Variants in RBFOX1 observed in about 807,000 individuals in gnomAD.
RBFOX1 encodes the protein RNA binding fox-1 homolog 1.
RBFOX1 carries 8 observed loss-of-function variants against 57.7 expected under a neutral mutation model. That is an observed-to-expected ratio of 0.14 (90% CI 0.08 to 0.25). The LOEUF (loss-of-function observed/expected upper bound fraction) is 0.25, where lower values mean the gene tolerates loss of function less well. RBFOX1 is among the 10% of genes least tolerant of loss of function. The probability of loss-of-function intolerance (pLI) is 1.00; values close to 1 mark genes in which losing one functional copy is unlikely to be tolerated. For missense variants in RBFOX1, 611 were observed against 548.5 expected, an observed-to-expected ratio of 1.11 and a Z score of -1.14; for synonymous variants, 326 against 222.4, an observed-to-expected ratio of 1.47 and a Z score of -4.15.
At chr16:7,618,532 G>GT (rs531792610) in intron 10 of RBFOX1, among the ~76,000 whole-genome samples, 81 of 150,646 alleles carry the variant, frequency 5.4e-4, no homozygotes, top group African/African-American at 1.3e-3. Flanking sequence ...AAGGTGACAT[G>GT]TTTTTTTTTA....
rs147694326 is a variant in RBFOX1 at position 7,137,403 on chromosome 16, G to A, written c.27+85305G>A. Among the ~76,000 whole-genome samples the A allele has an allele frequency of 1.0e-3, 157 of 152,234 alleles. 3 individuals carry two copies. In the East Asian group the frequency reaches 0.029, roughly 28 times the overall value. ...GGGTAGTTTCCCCCATACTGTTCTC[G>A]TGGTAGCGAGTAAGTCTGATGAGAT... On this transcript the variant is annotated intron_variant, in intron 4 of 15. Coordinates refer to ENST00000550418, the MANE Select transcript of RBFOX1 (RefSeq NM_018723.4).
At chr16:6,317,170 G>C (rs990885107) in intron 2 of RBFOX1, 113 bp downstream of exon 2, 1 of 991,628 alleles carries the variant, frequency 1.0e-6, no homozygotes, top group Non-Finnish European at 1.5e-6. Flanking sequence ...AAACTTTGCT[G>C]CCTGCCTATG....
chr16:7,478,588 T>C (rs778027794), intron 4 of RBFOX1, among the ~76,000 whole-genome samples: 1 of 152,192 alleles, frequency 6.6e-6, no homozygotes, highest in Non-Finnish European at 1.5e-5. Context: ...CACAGTGAGA[T>C]GATTTCTGAC....
At chr16:7,028,104 C>G (rs1163377967) in intron 3 of RBFOX1, among the ~76,000 whole-genome samples, 1 of 152,040 alleles carries the variant, frequency 6.6e-6, no homozygotes, top group East Asian at 1.9e-4. Flanking sequence ...TTACTTGGCA[C>G]AGTTTGACTG....
chr16:6,447,472 C>T (rs1254838943), intron 2 of RBFOX1, among the ~76,000 whole-genome samples: 1 of 152,100 alleles, frequency 6.6e-6, no homozygotes, highest in Non-Finnish European at 1.5e-5. Context: ...CATTCTGAAA[C>T]CTAGAATGAC....
chr16:5,907,797 C>A (rs2058498842), intron 4 of RBFOX1, among the ~76,000 whole-genome samples: 1 of 151,824 alleles, frequency 6.6e-6, no homozygotes, highest in Non-Finnish European at 1.5e-5. Flanking sequence ...ATTGCCCAGG[C>A]TGGAGTGTAG....
At chr16:7,366,985 A>C (rs2097463112) in intron 4 of RBFOX1, among the ~76,000 whole-genome samples, 1 of 152,104 alleles carries the variant, frequency 6.6e-6, no homozygotes, top group Non-Finnish European at 1.5e-5. Flanking sequence ...TCAGGTGGAC[A>C]TGTTTTTAAC....
intron 2 of RBFOX1, among the ~76,000 whole-genome samples, chr16:5,556,020 C>G (rs1335460795): frequency 6.8e-6 from 1 of 145,996 alleles, no homozygotes; most frequent in South Asian, 2.1e-4. Flanking sequence ...GACTCTGTCT[C>G]AAAAAAACAA....
chr16:5,729,821 T>C (rs1454121205), intron 3 of RBFOX1, among the ~76,000 whole-genome samples: 1 of 152,194 alleles, frequency 6.6e-6, no homozygotes, highest in Non-Finnish European at 1.5e-5. Flanking sequence ...GTGACTTTCA[T>C]TGCCTTTGAA....
At chr16:7,505,641 C>A (rs746931614) in intron 4 of RBFOX1, among the ~76,000 whole-genome samples, 1 of 152,160 alleles carries the variant, frequency 6.6e-6, no homozygotes, top group African/African-American at 2.4e-5. Context: ...CAGGATGGAA[C>A]ATTTTGCAAA....
intron 4 of RBFOX1, among the ~76,000 whole-genome samples, chr16:7,344,571 A>G (rs1411299836): frequency 6.6e-6 from 1 of 151,426 alleles, no homozygotes; most frequent in Non-Finnish European, 1.5e-5. Context: ...TAATGATTAT[A>G]TGTAATATAA....
At chr16:6,057,106 T>A (rs894888639) in intron 1 of RBFOX1, 1 of 152,080 alleles carries the variant, frequency 6.6e-6, no homozygotes, top group African/African-American at 2.4e-5. Flanking sequence ...ATAAATCAAG[T>A]GAGTTTTTGT....
intron 14 of RBFOX1, among the ~76,000 whole-genome samples, chr16:7,682,887 A>C (rs758616879): frequency 1.2e-4 from 18 of 148,540 alleles, no homozygotes; most frequent in Admixed American, 5.4e-4. Context: ...AGGAAGAAAA[A>C]GTGAAAGCAA....
At chr16:7,365,807 G>A (rs375405080) in intron 4 of RBFOX1, among the ~76,000 whole-genome samples, 30 of 152,310 alleles carry the variant, frequency 2.0e-4, no homozygotes, top group African/African-American at 7.2e-4. Context: ...ACTCAACAGG[G>A]AAGATACAGG....
In RBFOX1 at chr16:5,901,194, G is replaced by A. The variant is rs553717655; in HGVS notation, c.351+33859G>A. On this transcript the variant is annotated intron_variant, in intron 4 of 19. Coordinates refer to the RBFOX1 transcript ENST00000641259. ...CCCTCTCAGCTTACCATTCCCTAAG[G>A]GCTGTATGTGGGGGCTACTTCTTAT... Among the ~76,000 whole-genome samples the A allele has an allele frequency of 1.6e-4, 24 of 152,260 alleles. No individual in the cohort carries two copies. In the South Asian group the frequency reaches 5.0e-3, roughly 32 times the overall value.
At chr16:7,674,891 C>T (rs1213109312) in intron 13 of RBFOX1, among the ~76,000 whole-genome samples, 1 of 152,194 alleles carries the variant, frequency 6.6e-6, no homozygotes, top group Non-Finnish European at 1.5e-5. Flanking sequence ...AAAGTTCAAA[C>T]CAAGAGGCTT....
intron 1 of RBFOX1, among the ~76,000 whole-genome samples, chr16:6,175,397 G>A (rs1327463880): frequency 6.6e-6 from 1 of 152,112 alleles, no homozygotes; most frequent in Non-Finnish European, 1.5e-5. Context: ...GCATTAGTAT[G>A]TTAACATTAC....
chr16:7,029,724 C>G (rs1017192201), intron 3 of RBFOX1, among the ~76,000 whole-genome samples: 4 of 152,114 alleles, frequency 2.6e-5, no homozygotes, highest in Admixed American at 6.6e-5. Context: ...GTGGTAGCAT[C>G]TCATGGTGTA....
intron 4 of RBFOX1, among the ~76,000 whole-genome samples, chr16:7,320,563 C>G (rs2143011671): frequency 6.6e-6 from 1 of 152,224 alleles, no homozygotes; most frequent in Admixed American, 6.5e-5. Context: ...TTGTACTAGT[C>G]CAGAATCTAT....
Sources: allele counts gnomAD v4.1 joint callset (sites outside exome capture counted in the v4.1 genomes callset), GRCh38; gene constraint gnomAD v4.1.1; transcripts MANE v1.5; gene names NCBI Gene and HGNC (gene_info 2026-07-23, HGNC 2026-07-21).